Variants in IGF1R observed in about 807,000 individuals in gnomAD.
IGF1R encodes the protein insulin like growth factor 1 receptor, also known as insulin-like growth factor 1 receptor.
In IGF1R, 44 loss-of-function variants were observed where a neutral mutation model predicts 144.6. The observed-to-expected ratio is 0.30, with a 90% CI of 0.24 to 0.39. The LOEUF (loss-of-function observed/expected upper bound fraction) is 0.39. Among genes scored for constraint, IGF1R ranks in the 10% least tolerant of loss-of-function variants. The probability of loss-of-function intolerance (pLI) is 1.00; values close to 1 mark genes in which losing one functional copy is unlikely to be tolerated. For missense variants in IGF1R, 1,355 were observed against 1,833.7 expected, an observed-to-expected ratio of 0.74 and a Z score of 4.77; for synonymous variants, 795 against 722.8, an observed-to-expected ratio of 1.10 and a Z score of -1.60.
At chr15:98,814,959 A>G (rs1021281398) in intron 2 of IGF1R, among the ~76,000 whole-genome samples, 1 of 152,248 alleles carries the variant, frequency 6.6e-6, no homozygotes, top group Non-Finnish European at 1.5e-5. Flanking sequence ...ACACAAAAGG[A>G]TATTTTTTCA....
At chr15:98,781,767 G>A (rs1221873830) in intron 2 of IGF1R, among the ~76,000 whole-genome samples, 2 of 152,022 alleles carry the variant, frequency 1.3e-5, no homozygotes, top group Admixed American at 6.6e-5. Flanking sequence ...TGCTATTACT[G>A]TGCCGGGGTA....
At chr15:98,779,508 C>T (rs2055802633) in intron 2 of IGF1R, among the ~76,000 whole-genome samples, 1 of 152,230 alleles carries the variant, frequency 6.6e-6, no homozygotes, top group South Asian at 2.1e-4. Flanking sequence ...AGGAAACAGC[C>T]TCAGAGGAGT....
intron 2 of IGF1R, among the ~76,000 whole-genome samples, chr15:98,720,478 C>T (rs557889632): frequency 1.3e-5 from 2 of 152,162 alleles, no homozygotes; most frequent in East Asian, 1.9e-4. Flanking sequence ...ATGAAGCAGT[C>T]GAACTTTTTA....
At chr15:98,795,957 G>T (rs2141424890) in intron 2 of IGF1R, among the ~76,000 whole-genome samples, 1 of 152,162 alleles carries the variant, frequency 6.6e-6, no homozygotes, top group East Asian at 1.9e-4. Context: ...TTTACTTTTT[G>T]GATATCTGAA....
intron 2 of IGF1R, among the ~76,000 whole-genome samples, chr15:98,771,894 TTC>T (rs1053758108): frequency 1.3e-5 from 2 of 151,534 alleles, no homozygotes; most frequent in African/African-American, 2.4e-5. Context: ...TCCTTCCTTC[TTC>T]TCCACTGACA....
intron 2 of IGF1R, among the ~76,000 whole-genome samples, chr15:98,870,070 T>C (rs2012701318): frequency 6.6e-6 from 1 of 152,224 alleles, no homozygotes; most frequent in Non-Finnish European, 1.5e-5. Flanking sequence ...GCAGTAAACC[T>C]AAAAGTAAGT....
chr15:98,906,346 G>A (rs528116036), intron 5 of IGF1R, among the ~76,000 whole-genome samples: 1 of 152,344 alleles, frequency 6.6e-6, no homozygotes, highest in East Asian at 1.9e-4. Context: ...CAGCCCAGAG[G>A]TTTCTTCATC....
rs972640571 is a variant in IGF1R, at chr15:98,865,508, C to T, written c.641-25817C>T. The stretch of plus-strand genomic sequence containing the variant: ...TGCGCCCCGGCCACGCCCACCGTCC[C>T]TCACGTGGTCCCAGGCCACGCTGGG... On this transcript the variant is annotated intron_variant, in intron 2 of 20. Transcript: ENST00000650285. Among the ~76,000 whole-genome samples the T allele has an allele frequency of 6.6e-5, 10 of 152,310 alleles. No individual in the cohort carries two copies. The East Asian group carries it at 1.9e-3, about 29-fold the overall frequency.
At chr15:98,883,430 A>G (rs1286841789) in intron 2 of IGF1R, among the ~76,000 whole-genome samples, 1 of 152,174 alleles carries the variant, frequency 6.6e-6, no homozygotes, top group Non-Finnish European at 1.5e-5. Flanking sequence ...GGGTCTAAGC[A>G]TTTTCAACTA....
At chr15:98,927,682 A>G (rs1387495900) in intron 13 of IGF1R, among the ~76,000 whole-genome samples, 1 of 152,222 alleles carries the variant, frequency 6.6e-6, no homozygotes, top group African/African-American at 2.4e-5. Flanking sequence ...AAAATGCTGG[A>G]GCCTGCATCC....
intron 2 of IGF1R, among the ~76,000 whole-genome samples, chr15:98,728,004 A>ATTTTT (rs1274821435): frequency 2.4e-5 from 1 of 42,390 alleles, no homozygotes; most frequent in Non-Finnish European, 5.5e-5. Context: ...CTGAAGATGC[A>ATTTTT]TTGTTTTTTT....
chr15:98,877,489 CTTTTTTTT>C (rs5814908), intron 2 of IGF1R, among the ~76,000 whole-genome samples: 12 of 85,580 alleles, frequency 1.4e-4, no homozygotes, highest in African/African-American at 2.8e-4. Context: ...CACTAGCAGC[CTTTTTTTT>C]TTTTTTTTTT....
intron 2 of IGF1R, among the ~76,000 whole-genome samples, chr15:98,781,748 T>C (rs931504164): frequency 6.6e-6 from 1 of 152,242 alleles, no homozygotes; most frequent in Non-Finnish European, 1.5e-5. Flanking sequence ...ATGCTCCTTA[T>C]GTACCATGTG....
intron 2 of IGF1R, among the ~76,000 whole-genome samples, chr15:98,739,427 G>T (rs1261445795): frequency 6.6e-6 from 1 of 152,002 alleles, no homozygotes; most frequent in Non-Finnish European, 1.5e-5. Context: ...TATCACTGTG[G>T]ATATTTATCC....
chr15:98,773,612 C>G (rs997100533), intron 2 of IGF1R, among the ~76,000 whole-genome samples: 1 of 152,196 alleles, frequency 6.6e-6, no homozygotes, highest in African/African-American at 2.4e-5. Flanking sequence ...AGCAGCCACA[C>G]ATTTTGAGTG....
In IGF1R at chr15:98,916,853, G is replaced by A; in HGVS notation, c.2178G>A (p.Leu726=). ...ACCGCAAAGTCTTTGAGAATTTCCTGCACAACTCCATCTTCGTGCCCAGGT... is the reference window on the plus strand; with the variant it reads ...ACCGCAAAGTCTTTGAGAATTTCCTACACAACTCCATCTTCGTGCCCAGGT... ...AEYRKVFENF[L]HNSIFVPRPE... The change falls in exon 10 of 21, where the codon CTG becomes CTA. Residue 726 remains leucine (L), a synonymous_variant. Coordinates refer to ENST00000650285, the MANE Select transcript of IGF1R (RefSeq NM_000875.5). 6.2e-7 allele frequency: 1 copy of A among 1,614,074 alleles called. No homozygotes were observed. Among genetic ancestry groups the A allele is most frequent in the South Asian group, 1.1e-5 (1 of 91,070 alleles).
chr15:98,849,607 T>C (rs2011465354), intron 2 of IGF1R, among the ~76,000 whole-genome samples: 1 of 152,126 alleles, frequency 6.6e-6, no homozygotes, highest in Non-Finnish European at 1.5e-5. Flanking sequence ...CCAAAAACCA[T>C]AAGCAAAGAC....
intron 2 of IGF1R, among the ~76,000 whole-genome samples, chr15:98,806,028 G>A (rs1380931658): frequency 1.3e-5 from 2 of 152,192 alleles, no homozygotes; most frequent in Non-Finnish European, 2.9e-5. Flanking sequence ...TGCCTGAAAG[G>A]TTGAGAGTTT....
intron 2 of IGF1R, among the ~76,000 whole-genome samples, chr15:98,772,588 C>T (rs192912179): frequency 6.6e-6 from 1 of 151,318 alleles, no homozygotes; most frequent in Non-Finnish European, 1.5e-5. Flanking sequence ...CCTCGAACTC[C>T]TGGGCTCAAA....
Sources: allele counts gnomAD v4.1 joint callset (sites outside exome capture counted in the v4.1 genomes callset), GRCh38; gene constraint gnomAD v4.1.1; transcripts MANE v1.5; gene names NCBI Gene and HGNC (gene_info 2026-07-23, HGNC 2026-07-21).